The following NRAP variants were observed in gnomAD, a reference collection of about 807,000 sequenced individuals.
NRAP encodes the protein nebulin-related-anchoring protein.
Under a neutral mutation model 225.9 loss-of-function variants are expected in NRAP, and 189 were observed. The observed-to-expected ratio is 0.84, with a 90% CI of 0.74 to 0.94. The LOEUF is 0.94. Among genes scored for constraint, NRAP ranks in the 40% least tolerant of loss-of-function variants. The pLI is 0.00. For missense variants in NRAP, 2,176 were observed against 2,168.7 expected (o/e 1.00, Z -0.07); for synonymous variants, 769 against 790.7 (o/e 0.97, Z 0.46).
chr10:113,640,769 C>G (rs552420974), intron 13 of NRAP, among the ~76,000 whole-genome samples: 1 of 152,216 alleles, frequency 6.6e-6, no homozygotes, highest in African/African-American at 2.4e-5. Context: ...AAATCAGTTT[C>G]CTTTAAGTGT....
intron 18 of NRAP, among the ~76,000 whole-genome samples, chr10:113,630,045 G>T (rs1358777488): frequency 6.6e-6 from 1 of 152,128 alleles, no homozygotes; most frequent in Non-Finnish European, 1.5e-5. Flanking sequence ...TGCTCCAGGA[G>T]AAAACTCTAT....
intron 4 of NRAP, among the ~76,000 whole-genome samples, chr10:113,654,391 G>A (rs6585238): frequency 0.32 from 49,126 of 151,714 alleles, 8,586 homozygotes; most frequent in African/African-American, 0.47. Context: ...AAGATTGGGC[G>A]AGGAGGAGGG....
chr10:113,609,244 A>G (rs1847182617), intron 31 of NRAP, among the ~76,000 whole-genome samples: 1 of 152,244 alleles, frequency 6.6e-6, no homozygotes. Context: ...ACTGGGATTC[A>G]GTAAATTAGT....
At chr10:113,606,079 C>A in intron 33 of NRAP, 99 bp downstream of exon 33, 1 of 947,158 alleles carries the variant, frequency 1.1e-6, no homozygotes, top group Non-Finnish European at 1.7e-6. Context: ...TTTTAAAAAG[C>A]TTCTGTGAAG....
chr10:113,629,216 C>T (rs192103329), intron 19 of NRAP, among the ~76,000 whole-genome samples, 195 bp from the exon 20 acceptor site: 23 of 152,328 alleles, frequency 1.5e-4, no homozygotes, highest in Admixed American at 5.2e-4. Context: ...GTAGCATGCT[C>T]TACCTTACTG....
chr10:113,597,150 AAC>A lies in NRAP; in HGVS notation c.4365_4366del (p.Lys1455AsnfsTer6). 1 of 1,613,504 alleles carries A rather than the reference AAC, an allele frequency of 6.2e-7. No homozygotes were observed. Among genetic ancestry groups the A allele is most frequent in the Non-Finnish European group, 8.5e-7 (1 of 1,179,366 alleles). On this transcript the variant is annotated frameshift_variant, in exon 37 of 42. Coordinates refer to ENST00000359988, the MANE Select transcript of NRAP (RefSeq NM_198060.4). LOFTEE classifies it high-confidence loss of function. The stretch of plus-strand genomic sequence containing the variant: ...GTCTGGGGAGTCAACCACTGTGGTG[AAC>A]TTGATACTGTCTGGTTTTTTACGGT...
Position 113,650,518 on chromosome 10 carries a change from G to C in NRAP, c.703C>G (p.Gln235Glu), listed in dbSNP as rs762332997. 1 of 1,613,122 alleles carries C rather than the reference G, an allele frequency of 6.2e-7. No individual in the cohort carries two copies. The highest frequency in any genetic ancestry group is 1.3e-5 in the African/African-American group (1 of 74,960). The change falls in exon 8 of 42, where the codon CAA becomes GAA. Residue 235 changes from glutamine (Q) to glutamate (E), a missense_variant. Gln to Glu is a conservative substitution (Grantham distance 29). Around this residue, in one of 3 missense-constraint regions of NRAP, gnomAD observed 1,708 missense variants for 1,695.5 expected, o/e 1.01. Coordinates refer to ENST00000359988, the MANE Select transcript of NRAP (RefSeq NM_198060.4). ...DVRYTEDYEQ[Q>E]RGKGSFPAMI... ...GCAGGGAAACTGCCTTTCCCTCTTT[G>C]TTGTTCATAGTCCTCTGTGTATCTC...
At chr10:113,651,778 T>C (rs1377608343) in intron 7 of NRAP, 25 bp downstream of exon 7, 1 of 1,445,958 alleles carries the variant, frequency 6.9e-7, no homozygotes, top group East Asian at 2.3e-5. Flanking sequence ...CCATCAGTGA[T>C]GGACTGGCCT....
At chr10:113,658,378 C>T (rs1466187783) in intron 3 of NRAP, among the ~76,000 whole-genome samples, 1 of 151,946 alleles carries the variant, frequency 6.6e-6, no homozygotes, top group African/African-American at 2.4e-5. Flanking sequence ...TCCATTTCCA[C>T]AAAAAAACAC....
At chr10:113,617,115 A>G (rs1847711338) in intron 26 of NRAP, among the ~76,000 whole-genome samples, 1 of 152,208 alleles carries the variant, frequency 6.6e-6, no homozygotes, top group Non-Finnish European at 1.5e-5. Context: ...CCAATTACCA[A>G]GAATTTCACC....
At chr10:113,602,367 A>G (rs1178262148) in intron 35 of NRAP, among the ~76,000 whole-genome samples, 1 of 152,128 alleles carries the variant, frequency 6.6e-6, no homozygotes, top group Non-Finnish European at 1.5e-5. Flanking sequence ...TGTTCTCCCA[A>G]GAAATAGGCC....
At chr10:113,621,767 T>A (rs1466229970) in intron 24 of NRAP, 102 bp downstream of exon 24, 8 of 1,062,516 alleles carry the variant, frequency 7.5e-6, no homozygotes, top group Non-Finnish European at 8.3e-6. Flanking sequence ...AGGTGTCCCA[T>A]AGCATAAATT....
chr10:113,589,488 C>A lies in NRAP; in HGVS notation c.5088+178G>T, dbSNP rs753669869. The stretch of plus-strand genomic sequence containing the variant: ...AAAGCCCTGCAGGAAGTTTAACCTG[C>A]GTGTCATCTGCCTGGTCATCTCAGA... On this transcript the variant is annotated intron_variant, in intron 41 of 41. Coordinates refer to ENST00000359988, the MANE Select transcript of NRAP (RefSeq NM_198060.4). 13 of 689,172 alleles carry A rather than the reference C, an allele frequency of 1.9e-5. No individual in the cohort carries two copies. The Admixed American group carries it at 2.4e-4, about 13-fold the overall frequency. The allele number at this position is 689,172 out of a possible 1,614,324, so 42.7% of individuals were successfully genotyped here.
At position 113,650,464 on chromosome 10, in the gene NRAP, T is replaced by C; in HGVS notation, c.757A>G (p.Lys253Glu). 1 of 1,613,730 alleles carries C rather than the reference T, an allele frequency of 6.2e-7. No homozygotes were observed. Among genetic ancestry groups the C allele is most frequent in the Non-Finnish European group, 8.5e-7 (1 of 1,179,634 alleles). The part of the protein sequence containing the change: ...AMITPAYQIA[K>E]RANELASDVR... ...TCACTTGCCAGCTCATTGGCTCTTT[T>C]GGCTATCTGATAGGCGGGTGTGATC... Residue 253 changes from lysine to glutamate, a missense_variant, in exon 8 of 42, where the codon AAA becomes GAA. Coordinates refer to ENST00000359988, the MANE Select transcript of NRAP (RefSeq NM_198060.4).
At chr10:113,595,432 TA>T (rs919661749) in intron 38 of NRAP, among the ~76,000 whole-genome samples, 190 bp downstream of exon 38, 7 of 151,710 alleles carry the variant, frequency 4.6e-5, no homozygotes, top group South Asian at 2.1e-4. Context: ...ATTTTGCAGA[TA>T]AAAAAAACAA....
At chr10:113,602,074 C>A (rs574170089) in intron 35 of NRAP, among the ~76,000 whole-genome samples, 2 of 152,102 alleles carry the variant, frequency 1.3e-5, no homozygotes, top group Non-Finnish European at 2.9e-5. Flanking sequence ...GACAGGGTTT[C>A]ATCATGTTGC....
chr10:113,647,678 G>A (rs904210424), intron 9 of NRAP, among the ~76,000 whole-genome samples: 36 of 150,018 alleles, frequency 2.4e-4, no homozygotes, highest in African/African-American at 8.1e-4. Flanking sequence ...CGGTGGTGCT[G>A]TCTCCCCCGG....
intron 14 of NRAP, among the ~76,000 whole-genome samples, chr10:113,639,414 A>G (rs1392468187): frequency 1.3e-5 from 2 of 152,208 alleles, no homozygotes; most frequent in Non-Finnish European, 2.9e-5. Context: ...CAGTAGCAAA[A>G]CCTCAATCAA....
At chr10:113,652,303 A>C (rs1484793328) in intron 6 of NRAP, among the ~76,000 whole-genome samples, 1 of 152,290 alleles carries the variant, frequency 6.6e-6, no homozygotes, top group East Asian at 1.9e-4. Context: ...GCTTTTAACA[A>C]ATAAACTTTG....
Sources: gnomAD v4.1 joint callset for allele counts (sites outside exome capture counted in the v4.1 genomes callset) on GRCh38, gnomAD v4.1.1 for gene constraint, gnomAD v4.1.1 regional missense constraint, MANE v1.5 for transcripts, NCBI Gene and HGNC (gene_info 2026-07-23, HGNC 2026-07-21) for gene names.